STARD8: variants seen among roughly 807,000 people sequenced by gnomAD.
STARD8 encodes StAR related lipid transfer domain containing 8, also known as stAR-related lipid transfer protein 8.
Under a neutral mutation model 69.4 loss-of-function variants are expected in STARD8, and 25 were observed. The ratio of observed to expected loss-of-function variants is 0.36; its 90% CI spans 0.26 to 0.50. The LOEUF (loss-of-function observed/expected upper bound fraction) is 0.50, where lower values mean the gene tolerates loss of function less well. Among genes scored for constraint, STARD8 ranks in the 20% least tolerant of loss-of-function variants. STARD8 has a pLI of 0.96. For synonymous variants in STARD8, 389 were observed against 374.6 expected (o/e 1.04, Z -0.45); for missense variants, 921 against 932.5 (o/e 0.99, Z 0.16).
chrX:68,688,034 T>C (rs1189181843), intron 2 of STARD8, among the ~76,000 whole-genome samples: 1 of 112,625 alleles, frequency 8.9e-6, no homozygotes, highest in African/African-American at 3.2e-5. Flanking sequence ...AACCATGTTA[T>C]GGGAATGGCT....
At chrX:68,661,972 CT>C (rs545089388) in intron 1 of STARD8, among the ~76,000 whole-genome samples, 1 of 36,382 alleles carries the variant, frequency 2.7e-5, no homozygotes, top group African/African-American at 1.1e-4. Flanking sequence ...CTCTCTCTCT[CT>C]TTCTTTCTTT....
At chrX:68,716,513 A>G (rs2080092608) in intron 5 of STARD8, 82 bp downstream of exon 5, 2 of 990,235 alleles carry the variant, frequency 2.0e-6, no homozygotes, top group South Asian at 4.2e-5. Context: ...TTGTAAAACT[A>G]GCTCCAGTAT....
chrX:68,670,442 A>G (rs1225002173), intron 2 of STARD8, among the ~76,000 whole-genome samples: 3 of 111,520 alleles, frequency 2.7e-5, no homozygotes, highest in Non-Finnish European at 5.7e-5. Flanking sequence ...AGGCCTGTGG[A>G]GGAGTGTAAG....
At chrX:68,716,802 C>A (rs2080095240) in intron 5 of STARD8, among the ~76,000 whole-genome samples, 1 of 111,449 alleles carries the variant, frequency 9.0e-6, no homozygotes, top group Non-Finnish European at 1.9e-5. Context: ...CCCCATTTTG[C>A]AAAGAAGGAG....
rs1483941717 is a variant in STARD8, at chrX:68,723,834, T to TG, written c.3010dup (p.Val1004GlyfsTer8). On this transcript the variant is annotated frameshift_variant, in exon 13 of 15. Coordinates refer to ENST00000374599, the MANE Select transcript of STARD8 (RefSeq NM_001142503.3). LOFTEE classifies it high-confidence loss of function. ...GCACCCCATCCCTGCCGCGACTTTG[T>TG]GGTGCTTCGGTGAGGGGCTGCAGCT... 12 of 1,197,146 alleles carry TG rather than the reference T, an allele frequency of 1.0e-5. No individual in the cohort carries two copies. The highest frequency in any genetic ancestry group is 1.2e-5 in the Non-Finnish European group (11 of 888,474).
In STARD8 at chrX:68,660,143, G is replaced by A. The variant is rs1411695812; in HGVS notation, c.46-5356G>A. ...GGGGGGAGACAGAGGGGAGGTAGGTGTTCTGGGGGTTCCTCAGGAGGCTGT... is the reference window on the plus strand; with the variant it reads ...GGGGGGAGACAGAGGGGAGGTAGGTATTCTGGGGGTTCCTCAGGAGGCTGT... On this transcript the variant is annotated intron_variant, in intron 1 of 14. Transcript: ENST00000374599. 1.5e-4 allele frequency among the ~76,000 whole-genome samples: 17 copies of A among 110,896 alleles called. No homozygotes were observed. In the Admixed American group the frequency reaches 1.6e-3, roughly 11 times the overall value.
intron 2 of STARD8, among the ~76,000 whole-genome samples, chrX:68,695,908 T>G (rs2079916350): frequency 8.9e-6 from 1 of 111,852 alleles, no homozygotes; most frequent in African/African-American, 3.3e-5. Context: ...GGATGGAGTC[T>G]CCAATTGGGA....
chrX:68,673,452 C>T (rs2079742670), intron 2 of STARD8, among the ~76,000 whole-genome samples: 1 of 111,803 alleles, frequency 8.9e-6, no homozygotes, highest in South Asian at 3.8e-4. Flanking sequence ...CTGGCTTTTT[C>T]CTCCCTCAGC....
intron 2 of STARD8, among the ~76,000 whole-genome samples, chrX:68,709,941 C>T (rs901519039): frequency 2.7e-5 from 3 of 112,240 alleles, no homozygotes; most frequent in African/African-American, 9.7e-5. Flanking sequence ...TTATACAACT[C>T]GCCCAAAGTC....
At chrX:68,689,166 C>A (rs1244189593) in intron 2 of STARD8, among the ~76,000 whole-genome samples, 3 of 105,869 alleles carry the variant, frequency 2.8e-5, no homozygotes, top group Non-Finnish European at 5.8e-5. Context: ...ATCTGGAGGG[C>A]AGGAATGGGG....
In STARD8 at chrX:68,647,856, G is replaced by T. The variant is rs770964305; in HGVS notation, c.-27G>T. ...AGCCGGTGCCCGGCACAGCCCCGCCGGCCCTAGAAGCTCCCCACGCGCCAC... is the reference window on the plus strand; with the variant it reads ...AGCCGGTGCCCGGCACAGCCCCGCCTGCCCTAGAAGCTCCCCACGCGCCAC... On this transcript the variant is annotated 5_prime_UTR_variant, in exon 1 of 15. Coordinates refer to ENST00000374599, the MANE Select transcript of STARD8 (RefSeq NM_001142503.3). 1 of 1,190,476 alleles carries T rather than the reference G, an allele frequency of 8.4e-7. No individual in the cohort carries two copies. The highest frequency in any genetic ancestry group is 1.8e-5 in the African/African-American group (1 of 56,996).
Position 68,715,306 on chromosome X carries a change from C to T in STARD8, c.164C>T (p.Pro55Leu). ...CTCTGCCATACAGAAGGTTCGTTTC[C>T]CCTGGATATTGGCTCTGTGAAGAAA... ...YVQLFEEGSF[P>L]LDIGSVKKNH... is the part of the protein sequence containing the mutation. Residue 55 changes from proline to leucine, a missense_variant, in exon 4 of 15, where the codon CCC (proline) becomes CTC (leucine). Transcript: ENST00000374599. The T allele has an allele frequency of 8.3e-7, 1 of 1,207,924 alleles. No individual in the cohort carries two copies. The highest frequency in any genetic ancestry group is 1.1e-6 in the Non-Finnish European group (1 of 893,573).
Position 68,692,865 on chromosome X carries a change from A to G in STARD8, c.80-20049A>G, listed in dbSNP as rs183843638. Among the ~76,000 whole-genome samples the G allele has an allele frequency of 2.3e-3, 255 of 112,742 alleles. 2 individuals are homozygous for G. Among genetic ancestry groups the G allele is most frequent in the Middle Eastern group, 4.6e-3 (1 of 218 alleles). On this transcript the variant is annotated intron_variant, in intron 2 of 14. Coordinates refer to ENST00000374599, the MANE Select transcript of STARD8 (RefSeq NM_001142503.3). ...TGTCTTTGTAAATGTGAGGGATAGC[A>G]GTTGAACTGCATGAGGTCCTGGATA...
intron 2 of STARD8, among the ~76,000 whole-genome samples, chrX:68,684,518 G>C (rs1246367658): frequency 8.9e-6 from 1 of 112,979 alleles, no homozygotes; most frequent in East Asian, 2.8e-4. Flanking sequence ...AAACTCCTCT[G>C]CTTGGAGGAA....
intron 1 of STARD8, among the ~76,000 whole-genome samples, chrX:68,658,260 C>T (rs2079622904): frequency 8.9e-6 from 1 of 112,233 alleles, no homozygotes; most frequent in Admixed American, 9.5e-5. Context: ...GGCAAGCTAT[C>T]ATTGTCATCA....
At chrX:68,678,808 CAAT>C (rs1476635506) in intron 2 of STARD8, among the ~76,000 whole-genome samples, 1 of 112,172 alleles carries the variant, frequency 8.9e-6, no homozygotes, top group African/African-American at 3.2e-5. Context: ...AAAACAACAA[CAAT>C]AAGAATAAAC....
chrX:68,661,014 C>T (rs984471544), intron 1 of STARD8, among the ~76,000 whole-genome samples: 6 of 111,596 alleles, frequency 5.4e-5, no homozygotes, highest in Non-Finnish European at 1.1e-4. Flanking sequence ...TGGTCCTAGG[C>T]CTGGGTCTAT....
chrX:68,664,636 A>G (rs1455026414), intron 1 of STARD8, among the ~76,000 whole-genome samples: 1 of 111,528 alleles, frequency 9.0e-6, no homozygotes, highest in East Asian at 2.8e-4. Flanking sequence ...CCACCTCTCT[A>G]TCCCCCCACT....
rs1343383798 is a variant in STARD8, at chrX:68,721,025, C to G, written c.2151C>G (p.Ala717=). 8.3e-7 allele frequency: 1 copy of G among 1,211,950 alleles called. No individual in the cohort carries two copies. ...PDNVCYEGQS[A]YDVADLLKQY... ...ATGTCTGCTACGAGGGCCAGTCAGC[C>G]TACGACGTGGCTGACCTGCTAAAGC... The change falls in exon 9 of 15, where the codon GCC becomes GCG. Residue 717 remains alanine, a synonymous_variant. Coordinates refer to ENST00000374599, the MANE Select transcript of STARD8 (RefSeq NM_001142503.3).
Sources: allele counts gnomAD v4.1 joint callset (sites outside exome capture counted in the v4.1 genomes callset), GRCh38; gene constraint gnomAD v4.1.1; transcripts MANE v1.5; gene names NCBI Gene and HGNC (gene_info 2026-07-23, HGNC 2026-07-21).